Variants in ARL17A observed in about 807,000 individuals in gnomAD.
ARL17A encodes the protein ADP-ribosylation factor-like 17-like.
At chr17:46,569,260 A>G (rs2146034417) in intron 3 of ARL17A, among the ~76,000 whole-genome samples, 1 of 151,372 alleles carries the variant, frequency 6.6e-6, no homozygotes, top group Non-Finnish European at 1.5e-5. Flanking sequence ...GATACATTTG[A>G]TACAACTGGA....
At chr17:46,534,204 T>G (rs1218399784) in intron 4 of ARL17A, among the ~76,000 whole-genome samples, 1 of 149,236 alleles carries the variant, frequency 6.7e-6, no homozygotes, top group African/African-American at 2.6e-5. Context: ...TTTGTTTTTT[T>G]TAATTTTTTT....
chr17:46,543,497 G>A (rs1472252035), intron 3 of ARL17A, among the ~76,000 whole-genome samples: 1 of 150,840 alleles, frequency 6.6e-6, no homozygotes, highest in Non-Finnish European at 1.5e-5. Flanking sequence ...ATGTGTATAC[G>A]GACCGCATAG....
In ARL17A at chr17:46,547,149, T is replaced by C. The variant is rs1473459566; in HGVS notation, c.260-8723A>G. On this transcript the variant is annotated intron_variant, in intron 3 of 4. Transcript: ENST00000329240. ...TACATAAAGTCAGTGTTGCTTATTT[T>C]TCAAAACTTTTTTTTTTTTTTTTTT... is the stretch of plus-strand genomic sequence containing the variant. 3 of 63,092 alleles carry C rather than the reference T, an allele frequency of 4.8e-5. 1 individual carries two copies. Among genetic ancestry groups the C allele is most frequent in the Non-Finnish European group, 1.0e-4 (3 of 29,994 alleles). 3.9% of individuals were successfully genotyped at this position (63,092 alleles called of 1,614,324 possible). A position where few individuals can be genotyped will look rare whatever the true frequency, so the allele number is the denominator to read the frequency against.
chr17:46,502,918 A>T, the ARL17A span, among the ~76,000 whole-genome samples: 3 of 150,614 alleles, frequency 2.0e-5, no homozygotes, highest in Admixed American at 6.6e-5. Flanking sequence ...AACGTTTAAA[A>T]ATTAGTCTTC....
intron 4 of ARL17A, among the ~76,000 whole-genome samples, chr17:46,534,576 G>A (rs1252697077): frequency 2.0e-5 from 3 of 147,530 alleles, no homozygotes; most frequent in Non-Finnish European, 4.4e-5. Context: ...GAACAAAATG[G>A]AGTCTTCTAT....
the ARL17A span, among the ~76,000 whole-genome samples, chr17:46,500,970 A>G: frequency 2.0e-5 from 3 of 151,178 alleles, no homozygotes; most frequent in African/African-American, 4.9e-5. Flanking sequence ...ACCTGAGGTG[A>G]GGAGTTTGAG....
At chr17:46,501,565 CTCA>C in the ARL17A span, among the ~76,000 whole-genome samples, 1 of 151,272 alleles carries the variant, frequency 6.6e-6, no homozygotes, top group Non-Finnish European at 1.5e-5. Flanking sequence ...CATCAACATG[CTCA>C]TCATCAGTCA....
intron 3 of ARL17A, among the ~76,000 whole-genome samples, chr17:46,541,712 C>G (rs1054424214): frequency 6.6e-6 from 1 of 150,800 alleles, no homozygotes; most frequent in African/African-American, 2.5e-5. Flanking sequence ...AACAATACAA[C>G]AATAAAAGCA....
At chr17:46,548,843 C>G (rs768665639), downstream of ARL17A, 15 of 1,612,288 alleles carry the variant, frequency 9.3e-6, no homozygotes, top group East Asian at 3.4e-4. Flanking sequence ...TACACCAAGC[C>G]TTCCTTCACC....
chr17:46,539,212 GAAAAAAA>G (rs1166753209), intron 3 of ARL17A, among the ~76,000 whole-genome samples: 28 of 40,050 alleles, frequency 7.0e-4, no homozygotes, highest in East Asian at 2.7e-3. Flanking sequence ...CTCCATCTCA[GAAAAAAA>G]AAAAAAAAAA....
At chr17:46,502,765 C>A in the ARL17A span, among the ~76,000 whole-genome samples, 14 of 151,288 alleles carry the variant, frequency 9.3e-5, no homozygotes, top group Non-Finnish European at 1.9e-4. Context: ...GGGAAATGGT[C>A]ACCAGCAAGA....
At chr17:46,546,239 CTG>C (rs1468683039) in intron 3 of ARL17A, 2 of 665,982 alleles carry the variant, frequency 3.0e-6, no homozygotes, top group African/African-American at 2.2e-5. Context: ...TTATTGCTCT[CTG>C]TTTTCATCTA....
intron 3 of ARL17A, chr17:46,558,871 C>CCTCACTTTGTTGCCCAGG: frequency 8.6e-6 from 1 of 115,708 alleles, no homozygotes; most frequent in East Asian, 2.7e-4. Flanking sequence ...CAGAGACGGG[C>CCTCACTTTGTTGCCCAGG]CTCACTTTGT....
At chr17:46,501,641 T>C in the ARL17A span, among the ~76,000 whole-genome samples, 1 of 151,376 alleles carries the variant, frequency 6.6e-6, no homozygotes, top group East Asian at 1.9e-4. Flanking sequence ...TAAGCGGCCT[T>C]GTAGAAATCC....
At chr17:46,534,209 T>A (rs572334840) in intron 4 of ARL17A, among the ~76,000 whole-genome samples, 1 of 148,868 alleles carries the variant, frequency 6.7e-6, no homozygotes, top group Non-Finnish European at 1.5e-5. Flanking sequence ...TTTTTTTAAT[T>A]TTTTTTTATT....
chr17:46,568,421 C>A (rs2146019767), intron 3 of ARL17A, among the ~76,000 whole-genome samples: 1 of 125,042 alleles, frequency 8.0e-6, no homozygotes, highest in African/African-American at 3.2e-5. Flanking sequence ...CACAGGAAAT[C>A]CACAGATAGC....
At chr17:46,525,373 A>AG, downstream of ARL17A, among the ~76,000 whole-genome samples, 1 of 104,470 alleles carries the variant, frequency 9.6e-6, no homozygotes, top group East Asian at 2.6e-4. Context: ...GGATCACCTG[A>AG]GGTCAGGAGT....
chr17:46,525,614 AATCATC>A (rs745821194), downstream of ARL17A, among the ~76,000 whole-genome samples: 331 of 114,436 alleles, frequency 2.9e-3, 28 homozygotes, highest in African/African-American at 9.0e-3. Flanking sequence ...TAATAATAAT[AATCATC>A]ATCATCATCA....
chr17:46,548,209 G>A, downstream of ARL17A: 1 of 276,166 alleles, frequency 3.6e-6, no homozygotes, highest in African/African-American at 1.6e-4. Flanking sequence ...GCACTCGAAT[G>A]TTTGCTGACT....
Sources: gnomAD v4.1 joint callset for allele counts (sites outside exome capture counted in the v4.1 genomes callset) on GRCh38, gnomAD v4.1.1 for gene constraint, MANE v1.5 for transcripts, NCBI Gene and HGNC (gene_info 2026-07-23, HGNC 2026-07-21) for gene names.